The following RBM47 variants were observed in gnomAD, a reference collection of about 807,000 sequenced individuals.
The protein encoded by RBM47 is RNA binding motif protein 47.
A neutral mutation model predicts 47.1 loss-of-function variants in RBM47; 21 were observed. That is an observed-to-expected ratio of 0.45 (90% CI 0.32 to 0.64). RBM47 has a LOEUF of 0.64. RBM47 is among the 30% of genes least tolerant of loss of function. The probability of loss-of-function intolerance (pLI) is 0.05; values close to 1 mark genes in which losing one functional copy is unlikely to be tolerated. For missense variants in RBM47, 708 were observed against 870.9 expected, an observed-to-expected ratio of 0.81 and a Z score of 2.35; for synonymous variants, 375 against 361.7, an observed-to-expected ratio of 1.04 and a Z score of -0.42.
At chr4:40,579,423 GAAAAA>G (rs10653342) in intron 1 of RBM47, among the ~76,000 whole-genome samples, 2 of 102,000 alleles carry the variant, frequency 2.0e-5, no homozygotes, top group East Asian at 2.9e-4. Flanking sequence ...CCCTGTCTCA[GAAAAA>G]AAAAAAAAAA....
In RBM47 at chr4:40,568,354, G is replaced by A. The variant is rs28527270; in HGVS notation, c.-239-23848C>T. 5.4e-3 allele frequency among the ~76,000 whole-genome samples: 786 copies of A among 145,868 alleles called. 8 individuals carry two copies. Among genetic ancestry groups the A allele is most frequent in the African/African-American group, 0.019 (760 of 39,360 alleles). On this transcript the variant is annotated intron_variant, in intron 1 of 6. Transcript: ENST00000295971. ...TGAGGTAAAGGGATTGCTTGAGCCC[G>A]AGAGATGGAGGCTGCAGTGAGCCAT...
At chr4:40,555,228 G>A (rs555969387) in intron 1 of RBM47, among the ~76,000 whole-genome samples, 5 of 152,238 alleles carry the variant, frequency 3.3e-5, no homozygotes, top group African/African-American at 9.6e-5. Flanking sequence ...CACCACACCC[G>A]GCTTAATTTT....
chr4:40,435,061 CA>C (rs1349314592), intron 5 of RBM47, among the ~76,000 whole-genome samples: 1 of 152,108 alleles, frequency 6.6e-6, no homozygotes, highest in Non-Finnish European at 1.5e-5. Flanking sequence ...AGGTTCGGAT[CA>C]GAAGACCGGC....
Position 40,479,595 on chromosome 4 carries a change from AAAAT to A in RBM47, c.-154-12900_-154-12897del, listed in dbSNP as rs549953610. ...GATGACAGAGTGAGATCCTGTCTCA[AAAAT>A]AAATAAATAAATAAATAAATATATA... On this transcript the variant is annotated intron_variant, in intron 2 of 6. Transcript: ENST00000295971. Among the ~76,000 whole-genome samples, 527 of 151,434 alleles carry A rather than the reference AAAAT, an allele frequency of 3.5e-3. 4 individuals are homozygous for A. Among genetic ancestry groups the A allele is most frequent in the African/African-American group, 0.012 (483 of 41,338 alleles).
chr4:40,516,292 G>T (rs1358741528), intron 2 of RBM47, among the ~76,000 whole-genome samples: 2 of 127,118 alleles, frequency 1.6e-5, no homozygotes, highest in African/African-American at 6.1e-5. Flanking sequence ...ACGGATTCTC[G>T]CTCTGTCACC....
rs550664289 is a variant in RBM47, at chr4:40,508,521, A to C, written c.-155+35901T>G. On this transcript the variant is annotated intron_variant, in intron 2 of 6. Transcript: ENST00000295971. ...TTACAAAGGAATACTATGCAGCAAC[A>C]ACAGGATAAATTATAACTACATGAA... 4.6e-5 allele frequency among the ~76,000 whole-genome samples: 7 copies of C among 152,378 alleles called. No homozygotes were observed. In the South Asian group the frequency reaches 1.4e-3, roughly 32 times the overall value.
At chr4:40,548,363 G>A (rs757610158) in intron 1 of RBM47, among the ~76,000 whole-genome samples, 1 of 152,200 alleles carries the variant, frequency 6.6e-6, no homozygotes, top group Non-Finnish European at 1.5e-5. Context: ...AGGACGTGCC[G>A]CTGCCAAGGC....
chr4:40,441,777 A>G (rs1713690418), intron 3 of RBM47, among the ~76,000 whole-genome samples: 1 of 152,308 alleles, frequency 6.6e-6, no homozygotes, highest in East Asian at 1.9e-4. Context: ...CCCCAATAAT[A>G]TAAGAAAAAA....
intron 2 of RBM47, among the ~76,000 whole-genome samples, chr4:40,495,396 G>A (rs1202304161): frequency 6.6e-6 from 1 of 152,142 alleles, no homozygotes; most frequent in Non-Finnish European, 1.5e-5. Flanking sequence ...GAGGCCAGGA[G>A]TTGGAGAACA....
chr4:40,483,060 A>C (rs1016900742), intron 2 of RBM47, among the ~76,000 whole-genome samples: 1 of 152,236 alleles, frequency 6.6e-6, no homozygotes, highest in Non-Finnish European at 1.5e-5. Context: ...ATTAATGATT[A>C]CAGGTGAAAT....
At chr4:40,556,116 A>T (rs1730057284) in intron 1 of RBM47, among the ~76,000 whole-genome samples, 1 of 150,910 alleles carries the variant, frequency 6.6e-6, no homozygotes, top group Non-Finnish European at 1.5e-5. Flanking sequence ...GCTCACTGCA[A>T]CCTCTGCCTC....
chr4:40,530,224 C>G (rs1472414479), intron 2 of RBM47, among the ~76,000 whole-genome samples: 1 of 151,822 alleles, frequency 6.6e-6, no homozygotes, highest in African/African-American at 2.4e-5. Context: ...GTGTGAGGCA[C>G]CATGCCTGGA....
intron 1 of RBM47, among the ~76,000 whole-genome samples, chr4:40,584,154 G>A (rs1411333579): frequency 6.6e-6 from 1 of 152,096 alleles, no homozygotes; most frequent in African/African-American, 2.4e-5. Flanking sequence ...TATAGAGATG[G>A]AGTTTCACCA....
At chr4:40,565,940 C>A (rs1019483165) in intron 1 of RBM47, among the ~76,000 whole-genome samples, 1 of 151,928 alleles carries the variant, frequency 6.6e-6, no homozygotes, top group African/African-American at 2.4e-5. Context: ...CGGTGGCACA[C>A]GCCTGAAGTC....
rs1283036484 is a variant in RBM47 at position 40,529,933 on chromosome 4, T to C, written c.-155+14489A>G. Reference sequence around the variant, plus strand: ...GGATTTTAAGGATATTAGACCCCCTTTTTTTTTTTTTTTTTTTTTTGAGAT... The same window carrying C: ...GGATTTTAAGGATATTAGACCCCCTCTTTTTTTTTTTTTTTTTTTTGAGAT... On this transcript the variant is annotated intron_variant, in intron 2 of 6. Transcript: ENST00000295971. Among the ~76,000 whole-genome samples, 34 of 123,946 alleles carry C rather than the reference T, an allele frequency of 2.7e-4. 1 individual carries two copies. The East Asian group carries it at 5.8e-3, about 21-fold the overall frequency. The allele number at this position is 123,946 out of a possible 152,430, so 81.3% of individuals were successfully genotyped here.
chr4:40,444,035 CA>C (rs1714117640), intron 3 of RBM47, among the ~76,000 whole-genome samples: 1 of 151,892 alleles, frequency 6.6e-6, no homozygotes, highest in South Asian at 2.1e-4. Context: ...CCCATCTCTA[CA>C]AAAAGTACAA....
intron 2 of RBM47, among the ~76,000 whole-genome samples, chr4:40,468,258 G>A (rs1490515537): frequency 6.6e-6 from 1 of 152,124 alleles, no homozygotes; most frequent in African/African-American, 2.4e-5. Context: ...CTGCACTCCA[G>A]CCTGGGCGAC....
At chr4:40,504,449 C>G (rs1378155074) in intron 2 of RBM47, among the ~76,000 whole-genome samples, 4 of 152,012 alleles carry the variant, frequency 2.6e-5, no homozygotes, top group Non-Finnish European at 4.4e-5. Flanking sequence ...CGCCACCACA[C>G]CTGACTAATC....
At chr4:40,583,857 CAAA>C (rs11357660) in intron 1 of RBM47, among the ~76,000 whole-genome samples, 8 of 114,812 alleles carry the variant, frequency 7.0e-5, no homozygotes, top group Admixed American at 3.3e-4. Flanking sequence ...GACTCCGTCT[CAAA>C]AAAAAAAAAA....
Sources: allele counts gnomAD v4.1 joint callset (sites outside exome capture counted in the v4.1 genomes callset), GRCh38; gene constraint gnomAD v4.1.1; transcripts MANE v1.5; gene names NCBI Gene and HGNC (gene_info 2026-07-23, HGNC 2026-07-21).